Variants in CHSY3 observed in about 807,000 individuals in gnomAD.
CHSY3 encodes chondroitin sulfate synthase 3, also known as N-acetylgalactosaminyl-proteoglycan 3-beta-glucuronosyltransferase 3.
Under a neutral mutation model 67.2 loss-of-function variants are expected in CHSY3, and 35 were observed. The observed-to-expected ratio is 0.52, with a 90% confidence interval of 0.40 to 0.69. The LOEUF (loss-of-function observed/expected upper bound fraction) is 0.69, where lower values mean the gene tolerates loss of function less well. Ranked by LOEUF, CHSY3 falls within the 30% of genes least tolerant of loss-of-function variation. The pLI, the probability that CHSY3 is intolerant of heterozygous loss-of-function variation, is 0.00. For synonymous variants in CHSY3, 474 were observed against 434.7 expected (o/e 1.09, Z -1.12); for missense variants, 1,069 against 1,138.5 (o/e 0.94, Z 0.88).
In CHSY3 at chr5:130,020,441, ATATATATATATATATATATATTTTTTTTT is replaced by A. The variant is rs1220395374; in HGVS notation, c.1086+112083_1086+112111del. 2.3e-4 allele frequency among the ~76,000 whole-genome samples: 3 copies of A among 13,194 alleles called. 1 individual carries two copies. Among genetic ancestry groups the A allele is most frequent in the African/African-American group, 7.4e-4 (3 of 4,066 alleles). The allele number at this position is 13,194 out of a possible 152,430, so 8.7% of individuals were successfully genotyped here. ...TCTCAAAATATATATATATATATAT[ATATATATATATATATATATATTTTTTTTT>A]TTTTTTTTTCCTCTGGCTCCTCCAC... is the stretch of plus-strand genomic sequence containing the variant. On this transcript the variant is annotated intron_variant, in intron 2 of 2. Coordinates refer to ENST00000305031, the MANE Select transcript of CHSY3 (RefSeq NM_175856.5).
At chr5:130,073,161 CA>C (rs920514447) in intron 2 of CHSY3, among the ~76,000 whole-genome samples, 1 of 150,922 alleles carries the variant, frequency 6.6e-6, no homozygotes, top group Admixed American at 6.6e-5. Flanking sequence ...TGTACTCATG[CA>C]AAAAAAATAA....
intron 2 of CHSY3, among the ~76,000 whole-genome samples, chr5:129,932,501 CA>C (rs1761349587): frequency 6.6e-6 from 1 of 151,998 alleles, no homozygotes; most frequent in South Asian, 2.1e-4. Flanking sequence ...AATTGGACAC[CA>C]TAACTAGCCA....
chr5:130,126,213 C>T (rs774052797), intron 2 of CHSY3, among the ~76,000 whole-genome samples: 2 of 151,768 alleles, frequency 1.3e-5, no homozygotes, highest in African/African-American at 2.4e-5. Context: ...GTATTGATTT[C>T]CTGCCGAATG....
At position 130,184,968 on chromosome 5, in the gene CHSY3, G is replaced by A. The variant is rs144451584; in HGVS notation, c.1826G>A (p.Gly609Asp). ...NSLKILSSFQ[G>D]AKEMGGHNEK... ...TTAAAGATATTATCTTCTTTTCAAGGTGCCAAAGAAATGGGAGGGCACAAT... is the reference window on the plus strand; with the variant it reads ...TTAAAGATATTATCTTCTTTTCAAGATGCCAAAGAAATGGGAGGGCACAAT... The change falls in exon 3 of 3, where the codon GGT becomes GAT. Residue 609 changes from glycine to aspartate, a missense_variant. Transcript: ENST00000305031. 1.3e-6 allele frequency: 2 copies of A among 1,564,648 alleles called. No individual in the cohort carries two copies. Among genetic ancestry groups the A allele is most frequent in the South Asian group, 1.1e-5 (1 of 90,022 alleles).
rs758264316 is a variant in CHSY3, at chr5:129,908,260, T to C, written c.986T>C (p.Ile329Thr). ...GTTCTCAGGAGGATGGTGCCACATATTGGTGAATGCCTTAGAGAAATGTAC... is the reference window on the plus strand; with the variant it reads ...GTTCTCAGGAGGATGGTGCCACATACTGGTGAATGCCTTAGAGAAATGTAC... The part of the protein sequence containing the change: ...REVLRRMVPH[I>T]GECLREMYTT... Residue 329 changes from isoleucine to threonine, a missense_variant, in exon 2 of 3, where the codon ATT becomes ACT. By Grantham distance (89) the Ile-to-Thr change is moderately conservative. Coordinates refer to ENST00000305031, the MANE Select transcript of CHSY3 (RefSeq NM_175856.5). 2.5e-6 allele frequency: 4 copies of C among 1,614,126 alleles called. No individual in the cohort carries two copies. The highest frequency in any genetic ancestry group is 2.2e-5 in the South Asian group (2 of 91,070).
In CHSY3 at chr5:130,185,572, C is replaced by G. The variant is rs182876017; in HGVS notation, c.2430C>G (p.Leu810=). The change falls in exon 3 of 3, where the codon CTC becomes CTG. Residue 810 remains leucine (L), a synonymous_variant. Coordinates refer to ENST00000305031, the MANE Select transcript of CHSY3 (RefSeq NM_175856.5). Reference sequence around the variant, plus strand: ...GCTGGGGACTAGAAGATGTAGATCTCTACAATAAAGTCATTCTATCTGGCT... The same window carrying G: ...GCTGGGGACTAGAAGATGTAGATCTGTACAATAAAGTCATTCTATCTGGCT... The part of the protein sequence containing the change: ...IQGWGLEDVD[L]YNKVILSGLR... 2.4e-5 allele frequency: 39 copies of G among 1,614,008 alleles called. No homozygotes were observed. In the Admixed American group the frequency reaches 3.3e-4, roughly 14 times the overall value.
intron 2 of CHSY3, chr5:130,140,998 A>G: frequency 2.4e-6 from 1 of 424,928 alleles, no homozygotes; most frequent in Non-Finnish European, 3.3e-6. Flanking sequence ...GAAATGCCAA[A>G]CTAGACAAGT....
At chr5:130,134,734 T>A (rs1213621489) in intron 2 of CHSY3, among the ~76,000 whole-genome samples, 1 of 152,134 alleles carries the variant, frequency 6.6e-6, no homozygotes, top group African/African-American at 2.4e-5. Flanking sequence ...CACAAAGTGT[T>A]TAGATGGCAA....
chr5:129,921,037 C>T (rs1760905761), intron 2 of CHSY3, among the ~76,000 whole-genome samples: 1 of 152,140 alleles, frequency 6.6e-6, no homozygotes, highest in Admixed American at 6.5e-5. Flanking sequence ...CCAGGCTGAT[C>T]TCCAACTCCT....
Position 130,110,592 on chromosome 5 carries a change from T to C in CHSY3, c.1087-73637T>C, listed in dbSNP as rs560164617. Reference sequence around the variant, plus strand: ...ACCTCATAAGATCTGTCTTGAGCCTTAGGGAGATAATCTTCATAGTGGATG... The same window carrying C: ...ACCTCATAAGATCTGTCTTGAGCCTCAGGGAGATAATCTTCATAGTGGATG... On this transcript the variant is annotated intron_variant, in intron 2 of 2. Coordinates refer to ENST00000305031, the MANE Select transcript of CHSY3 (RefSeq NM_175856.5). Among the ~76,000 whole-genome samples the C allele has an allele frequency of 2.6e-4, 40 of 152,104 alleles. 2 individuals are homozygous for C. The South Asian group carries it at 4.8e-3, about 18-fold the overall frequency.
chr5:130,048,743 C>G (rs1360803563), intron 2 of CHSY3, among the ~76,000 whole-genome samples: 1 of 151,848 alleles, frequency 6.6e-6, no homozygotes, highest in Admixed American at 6.6e-5. Flanking sequence ...TCTTCTCTTT[C>G]CCCAGTCATC....
intron 2 of CHSY3, among the ~76,000 whole-genome samples, chr5:130,043,408 A>T (rs1765058820): frequency 6.6e-6 from 1 of 152,102 alleles, no homozygotes; most frequent in African/African-American, 2.4e-5. Context: ...AAGGAATTAG[A>T]GATTGAGAAG....
chr5:130,065,798 G>A (rs1765864780), intron 2 of CHSY3, among the ~76,000 whole-genome samples: 2 of 151,964 alleles, frequency 1.3e-5, no homozygotes. Flanking sequence ...GCCATTCATC[G>A]ACTTTTCCAG....
intron 2 of CHSY3, among the ~76,000 whole-genome samples, chr5:129,952,411 AT>A (rs1177376740): frequency 1.3e-5 from 2 of 152,238 alleles, no homozygotes; most frequent in African/African-American, 4.8e-5. Context: ...AAGTATTAAT[AT>A]ATTTACATAA....
chr5:130,072,176 T>A (rs1432679372), intron 2 of CHSY3, among the ~76,000 whole-genome samples: 1 of 152,130 alleles, frequency 6.6e-6, no homozygotes. Context: ...TTTTCTTTGC[T>A]ATGCAGAAGC....
intron 2 of CHSY3, among the ~76,000 whole-genome samples, chr5:130,108,927 A>G (rs1767503486): frequency 6.6e-6 from 1 of 151,712 alleles, no homozygotes; most frequent in Non-Finnish European, 1.5e-5. Flanking sequence ...ATTTTGTATA[A>G]CATTTCTTCT....
At chr5:130,029,863 T>G (rs2149659288) in intron 2 of CHSY3, among the ~76,000 whole-genome samples, 1 of 152,224 alleles carries the variant, frequency 6.6e-6, no homozygotes, top group East Asian at 1.9e-4. Flanking sequence ...CCGCTAGAAA[T>G]GGAGGGGTTG....
At chr5:129,935,478 C>A (rs1761457719) in intron 2 of CHSY3, among the ~76,000 whole-genome samples, 1 of 152,092 alleles carries the variant, frequency 6.6e-6, no homozygotes, top group African/African-American at 2.4e-5. Context: ...TGGTTCTTGA[C>A]AATGTATCAT....
intron 2 of CHSY3, among the ~76,000 whole-genome samples, chr5:130,149,046 T>C (rs1236750766): frequency 6.6e-6 from 1 of 152,238 alleles, no homozygotes; most frequent in Middle Eastern, 3.2e-3. Context: ...TTTAAGTATT[T>C]AATCCATCTT....
Sources: allele counts gnomAD v4.1 joint callset (sites outside exome capture counted in the v4.1 genomes callset), GRCh38; gene constraint gnomAD v4.1.1; transcripts MANE v1.5; gene names NCBI Gene and HGNC (gene_info 2026-07-23, HGNC 2026-07-21).